The following RNF17 variants were observed in gnomAD, a reference collection of about 807,000 sequenced individuals.
RNF17 encodes the protein ring finger protein 17.
RNF17 carries 31 observed loss-of-function variants against 200.5 expected under a neutral mutation model. The ratio of observed to expected loss-of-function variants is 0.15; its 90% CI spans 0.12 to 0.21. The LOEUF is 0.21. Ranked by LOEUF, RNF17 falls within the 10% of genes least tolerant of loss-of-function variation. The pLI is 1.00. For synonymous variants in RNF17, 606 were observed against 637.8 expected (o/e 0.95, Z 0.75); for missense variants, 1,628 against 1,905.1 (o/e 0.85, Z 2.71).
chr13:24,885,587 T>C, the RNF17 span: 3 of 1,567,866 alleles, frequency 1.9e-6, no homozygotes, highest in Non-Finnish European at 2.6e-6. Context: ...TTGAAGAATA[T>C]ATAAAAACAG....
chr13:24,760,953 A>T (rs59215410), upstream of RNF17, among the ~76,000 whole-genome samples: 34,131 of 151,710 alleles, frequency 0.22, 4,474 homozygotes, highest in East Asian at 0.38. Context: ...GAGATTATTT[A>T]AAAAAAAAGA....
chr13:24,826,124 T>C, intron 16 of RNF17: 4 of 977,582 alleles, frequency 4.1e-6, no homozygotes, highest in Non-Finnish European at 4.9e-6. Context: ...GAGTCCTTTG[T>C]GTCCTCTCTG....
Position 24,844,949 on chromosome 13 carries a change from T to C in RNF17, c.2983-12T>C, listed in dbSNP as rs1051209608. On this transcript the variant is annotated splice_polypyrimidine_tract_variant and intron_variant, in intron 21 of 35. Transcript: ENST00000255324. ...TTGTTTGTCTGTAGACTTAAAGTTA[T>C]TATTTTCTTAGGTCTTGCTGTATGA... The C allele has an allele frequency of 5.1e-6, 8 of 1,577,138 alleles. No individual in the cohort carries two copies. Among genetic ancestry groups the C allele is most frequent in the East Asian group, 2.2e-5 (1 of 44,642 alleles).
chr13:24,757,272 GT>G, the RNF17 span, among the ~76,000 whole-genome samples: 1 of 151,042 alleles, frequency 6.6e-6, no homozygotes, highest in Non-Finnish European at 1.5e-5. Context: ...AAATTCTACT[GT>G]ACTTGATAAG....
At chr13:24,884,482 A>T, downstream of RNF17, 4 of 1,613,504 alleles carry the variant, frequency 2.5e-6, no homozygotes, top group Non-Finnish European at 2.5e-6. Flanking sequence ...CCAACACAAG[A>T]TTATCACCTA....
intron 15 of RNF17, among the ~76,000 whole-genome samples, chr13:24,822,881 A>G (rs188200098): frequency 1.2e-4 from 19 of 152,330 alleles, no homozygotes; most frequent in East Asian, 7.7e-4. Context: ...ATTACTGCTT[A>G]CTTCTGGTTT....
Position 24,764,187 on chromosome 13 carries a change from A to G in RNF17, c.-17A>G, listed in dbSNP as rs1467862027. On this transcript the variant is annotated 5_prime_UTR_variant, in exon 1 of 36. Coordinates refer to ENST00000255324, the MANE Select transcript of RNF17 (RefSeq NM_031277.3). ...GGGACTCGCACTCGGCGGTTGTTCC[A>G]GAAGAAAGAGACAGCGATGGCGGCA... 5.7e-6 allele frequency: 9 copies of G among 1,575,158 alleles called. No homozygotes were observed. The highest frequency in any genetic ancestry group is 7.8e-6 in the Non-Finnish European group (9 of 1,151,424).
At chr13:24,865,812 CGTCT>C (rs948451819) in intron 29 of RNF17, among the ~76,000 whole-genome samples, 1 of 151,898 alleles carries the variant, frequency 6.6e-6, no homozygotes, top group South Asian at 2.1e-4. Flanking sequence ...AAAGAAGTTA[CGTCT>C]GTTATTAAAC....
chr13:24,776,794 G>C (rs1001028862), intron 3 of RNF17, among the ~76,000 whole-genome samples: 1 of 152,172 alleles, frequency 6.6e-6, no homozygotes, highest in Non-Finnish European at 1.5e-5. Context: ...CCAGTTATTA[G>C]TATGTATTAA....
At chr13:24,810,862 G>C (rs1395082023) in intron 15 of RNF17, among the ~76,000 whole-genome samples, 3 of 149,352 alleles carry the variant, frequency 2.0e-5, no homozygotes, top group Non-Finnish European at 4.4e-5. Context: ...CTCAGCATTT[G>C]CTTGTCTGGA....
intron 15 of RNF17, among the ~76,000 whole-genome samples, chr13:24,818,051 T>G (rs1887604272): frequency 6.6e-6 from 1 of 152,164 alleles, no homozygotes; most frequent in Non-Finnish European, 1.5e-5. Context: ...TTAGCACTGT[T>G]TTATTGCATC....
chr13:24,747,809 G>A, the RNF17 span, among the ~76,000 whole-genome samples: 2 of 152,380 alleles, frequency 1.3e-5, no homozygotes, highest in Middle Eastern at 3.4e-3. Flanking sequence ...TCCAGCCAGG[G>A]CGCACAAACC....
intron 30 of RNF17, among the ~76,000 whole-genome samples, chr13:24,867,306 A>G (rs1893738697): frequency 6.6e-6 from 1 of 152,230 alleles, no homozygotes; most frequent in East Asian, 1.9e-4. Context: ...AACTAAAGGC[A>G]TGGACCACCA....
chr13:24,819,289 C>G (rs373598565), intron 15 of RNF17, among the ~76,000 whole-genome samples: 1 of 152,138 alleles, frequency 6.6e-6, no homozygotes, highest in South Asian at 2.1e-4. Flanking sequence ...CAGAATTTGT[C>G]TTTCTGTGAC....
chr13:24,868,069 C>T (rs1893827480), intron 30 of RNF17, among the ~76,000 whole-genome samples: 2 of 152,038 alleles, frequency 1.3e-5, no homozygotes, highest in South Asian at 4.1e-4. Context: ...TTTTTTTGCA[C>T]AAAATACTTT....
the RNF17 span, among the ~76,000 whole-genome samples, chr13:24,887,695 A>G: frequency 2.0e-5 from 3 of 152,186 alleles, no homozygotes. Context: ...TAAAGTGCAC[A>G]ATAAATTTAA....
At chr13:24,866,266 C>G in intron 30 of RNF17, 63 bp downstream of exon 30, 1 of 859,460 alleles carries the variant, frequency 1.2e-6, no homozygotes. Context: ...GGATCTGATA[C>G]AGGACAGAAA....
the RNF17 span, among the ~76,000 whole-genome samples, chr13:24,754,562 A>T: frequency 2.0e-4 from 31 of 152,272 alleles, no homozygotes; most frequent in East Asian, 4.8e-3. Context: ...GAGTAAAAAC[A>T]GTCCTCCCTG....
At chr13:24,772,870 A>T (rs1880985308) in intron 2 of RNF17, among the ~76,000 whole-genome samples, 1 of 152,004 alleles carries the variant, frequency 6.6e-6, no homozygotes, top group African/African-American at 2.4e-5. Flanking sequence ...TCAGCCTCCC[A>T]AAAGTGCTGG....
Sources: gnomAD v4.1 joint callset for allele counts (sites outside exome capture counted in the v4.1 genomes callset) on GRCh38, gnomAD v4.1.1 for gene constraint, MANE v1.5 for transcripts, NCBI Gene and HGNC (gene_info 2026-07-23, HGNC 2026-07-21) for gene names.